COL16A1: variants seen among roughly 807,000 people sequenced by gnomAD.
COL16A1 encodes the protein collagen alpha-1(XVI) chain.
COL16A1 carries 189 observed loss-of-function variants against 266.3 expected under a neutral mutation model. The observed-to-expected ratio is 0.71, with a 90% CI of 0.63 to 0.80. COL16A1 has a LOEUF of 0.80. Ranked by LOEUF, COL16A1 falls within the 30% of genes least tolerant of loss-of-function variation. COL16A1 has a pLI of 0.00. For synonymous variants in COL16A1, 740 were observed against 782.3 expected (o/e 0.95, Z 0.90); for missense variants, 1,928 against 2,122.4 (o/e 0.91, Z 1.80).
chr1:31,698,444 A>T lies in COL16A1; in HGVS notation c.390+39T>A. ...AAGGTGGGCTGGACTGGTGCTACCC[A>T]ATGCCCTAAGAGGCAATCAGGGCAC... On this transcript the variant is annotated intron_variant, in intron 5 of 70. Coordinates refer to ENST00000373672, the MANE Select transcript of COL16A1 (RefSeq NM_001856.4). This position sits in a 1 kb window ranked among gnomAD's most constrained non-coding sequence, Gnocchi z 4.1. The T allele has an allele frequency of 6.2e-7, 1 of 1,612,676 alleles. No homozygotes were observed. The highest frequency in any genetic ancestry group is 8.5e-7 in the Non-Finnish European group (1 of 1,179,154).
chr1:31,686,030 G>C, intron 28 of COL16A1, 61 bp downstream of exon 28: 2 of 1,603,612 alleles, frequency 1.2e-6, no homozygotes, highest in Non-Finnish European at 1.7e-6. Context: ...AGTCGAGCAA[G>C]ACGAGTGTCT....
Position 31,694,124 on chromosome 1 carries a change from C to T in COL16A1, c.1008+20G>A, listed in dbSNP as rs183835655. The T allele has an allele frequency of 8.7e-4, 1,386 of 1,599,738 alleles. 25 individuals are homozygous for T. The Admixed American group carries it at 0.022, about 25-fold the overall frequency. On this transcript the variant is annotated intron_variant, in intron 12 of 70. Coordinates refer to ENST00000373672, the MANE Select transcript of COL16A1 (RefSeq NM_001856.4). ...GATGCTAAAGAGGACGGGAATGTCC[C>T]GTTCTCCATTAGGACTCACCTTGGG...
rs767598428 is a variant in COL16A1, at chr1:31,697,063, C to T, written c.764G>A (p.Arg255His). The T allele has an allele frequency of 6.8e-6, 11 of 1,614,154 alleles. No homozygotes were observed. Among genetic ancestry groups the T allele is most frequent in the Admixed American group, 3.3e-5 (2 of 60,024 alleles). ...GAGCTCATTGCTCTGGGTGTCCCGGCGGGCCTTGGAGGTCTCTGGGGGGCA... is the reference window on the plus strand; with the variant it reads ...GAGCTCATTGCTCTGGGTGTCCCGGTGGGCCTTGGAGGTCTCTGGGGGGCA... ...AGCPPETSKA[R>H]RDTQSNELIE... The change falls in exon 8 of 71, where the codon CGC becomes CAC. Residue 255 changes from arginine (R) to histidine (H), a missense_variant. Arg to His is a conservative substitution (Grantham distance 29). Around this residue, in one of 2 missense-constraint regions of COL16A1, gnomAD observed 1,552 missense variants for 1,637.2 expected, o/e 0.95. Coordinates refer to ENST00000373672, the MANE Select transcript of COL16A1 (RefSeq NM_001856.4). This position sits in a 1 kb window ranked among gnomAD's most constrained non-coding sequence, Gnocchi z 4.2.
chr1:31,692,279 G>A lies in COL16A1; in HGVS notation c.1194+195C>T, dbSNP rs578004948. Among the ~76,000 whole-genome samples, 313 of 152,194 alleles carry A rather than the reference G, an allele frequency of 2.1e-3. 1 individual carries two copies. The highest frequency in any genetic ancestry group is 6.9e-3 in the African/African-American group (285 of 41,502). On this transcript the variant is annotated intron_variant, in intron 16 of 70. Coordinates refer to ENST00000373672, the MANE Select transcript of COL16A1 (RefSeq NM_001856.4). ...CAGGCCACTTACTGGGGGAATCTGT[G>A]GCATTTCCCTCTAGGTCGGCTGGGT... is the stretch of plus-strand genomic sequence containing the variant.
rs376074970 is a variant in COL16A1, at chr1:31,664,546, C to T, written c.3555+626G>A. On this transcript the variant is annotated intron_variant, in intron 56 of 70. Coordinates refer to ENST00000373672, the MANE Select transcript of COL16A1 (RefSeq NM_001856.4). The surrounding 1 kb of genome is among the most constrained non-coding windows in gnomAD (Gnocchi z 5.5). ...CATCTAGGGAGCCCAGAGGTTGGGC[C>T]GAGACAGGGATGTCAGCCCCAAGCC... Among the ~76,000 whole-genome samples, 3 of 152,132 alleles carry T rather than the reference C, an allele frequency of 2.0e-5. No individual in the cohort carries two copies. Among genetic ancestry groups the T allele is most frequent in the Admixed American group, 6.5e-5 (1 of 15,286 alleles).
At chr1:31,675,518 C>G (rs754014487) in intron 42 of COL16A1, among the ~76,000 whole-genome samples, 1 of 152,174 alleles carries the variant, frequency 6.6e-6, no homozygotes, top group Non-Finnish European at 1.5e-5. Context: ...AGCGACCCCC[C>G]AAACCGTCCA....
chr1:31,701,277 T>C, intron 2 of COL16A1: 1 of 979,766 alleles, frequency 1.0e-6, no homozygotes, highest in African/African-American at 1.7e-5. Flanking sequence ...GTTGAAATTA[T>C]CTGCCCCATC....
At chr1:31,689,923 G>T in intron 22 of COL16A1, 72 bp from the exon 23 acceptor site, 2 of 1,329,154 alleles carry the variant, frequency 1.5e-6, no homozygotes, top group Non-Finnish European at 2.2e-6. Context: ...GGCCTCTTGC[G>T]CAGACCAGCC....
chr1:31,692,187 G>A, intron 16 of COL16A1, 120 bp from the exon 17 acceptor site: 1 of 1,480,840 alleles, frequency 6.8e-7, no homozygotes, highest in Non-Finnish European at 9.3e-7. Flanking sequence ...CCCTGAGGGT[G>A]AATGGCTTCA....
intron 2 of COL16A1, among the ~76,000 whole-genome samples, chr1:31,700,425 A>AG (rs1264263641): frequency 1.3e-5 from 2 of 152,374 alleles, no homozygotes; most frequent in African/African-American, 4.8e-5. Flanking sequence ...GTCAGGAGCT[A>AG]GGCCAGCAAG....
In COL16A1 at chr1:31,697,359, C is replaced by G. The variant is rs1644545356; in HGVS notation, c.658-59G>C. On this transcript the variant is annotated intron_variant, in intron 6 of 70. Coordinates refer to ENST00000373672, the MANE Select transcript of COL16A1 (RefSeq NM_001856.4). This position sits in a 1 kb window ranked among gnomAD's most constrained non-coding sequence, Gnocchi z 4.2. ...TTTATCAAATAGCTCTGTGTCCTGGCCCCCCAGGAGGCACAGAGATGTCTC... is the reference window on the plus strand; with the variant it reads ...TTTATCAAATAGCTCTGTGTCCTGGGCCCCCAGGAGGCACAGAGATGTCTC... 12 of 1,479,392 alleles carry G rather than the reference C, an allele frequency of 8.1e-6. No individual in the cohort carries two copies. Among genetic ancestry groups the G allele is most frequent in the Non-Finnish European group, 1.1e-5 (12 of 1,086,944 alleles). The allele number at this position is 1,479,392 out of a possible 1,614,324, so 91.6% of individuals were successfully genotyped here.
rs993045196 is a variant in COL16A1, at chr1:31,668,363, C to G, written c.3250-145G>C. The stretch of plus-strand genomic sequence containing the variant: ...CCCAGCATTGCACACTGGGCCATCT[C>G]CCCAAGCCCCAGGTCCCCTCGGTCG... On this transcript the variant is annotated intron_variant, in intron 50 of 70. Transcript: ENST00000373672. The surrounding 1 kb of genome is among the most constrained non-coding windows in gnomAD (Gnocchi z 5.8). 3 of 856,502 alleles carry G rather than the reference C, an allele frequency of 3.5e-6. No homozygotes were observed. Among genetic ancestry groups the G allele is most frequent in the Non-Finnish European group, 3.7e-6 (2 of 533,844 alleles). The allele number at this position is 856,502 out of a possible 1,614,324, so 53.1% of individuals were successfully genotyped here.
intron 19 of COL16A1, 25 bp downstream of exon 19, chr1:31,691,392 G>A (rs756407806): frequency 1.2e-6 from 2 of 1,600,292 alleles, no homozygotes; most frequent in East Asian, 2.2e-5. Context: ...GAAAAGCACA[G>A]CAGGAGAAGC....
intron 55 of COL16A1, 163 bp from the exon 56 acceptor site, chr1:31,665,397 G>T: frequency 2.1e-6 from 3 of 1,409,118 alleles, no homozygotes; most frequent in Non-Finnish European, 2.9e-6. Flanking sequence ...CTGGGCTGGG[G>T]CCCACACAAG....
intron 30 of COL16A1, 82 bp downstream of exon 30, chr1:31,684,739 G>T: frequency 6.2e-7 from 1 of 1,611,472 alleles, no homozygotes; most frequent in Non-Finnish European, 8.5e-7. Flanking sequence ...AGGGTTGGGG[G>T]CTAGGGAGGG....
rs565459984 is a variant in COL16A1 at position 31,663,732 on chromosome 1, G to A, written c.3556-1074C>T. On this transcript the variant is annotated intron_variant, in intron 56 of 70. Transcript: ENST00000373672. This position sits in a 1 kb window ranked among gnomAD's most constrained non-coding sequence, Gnocchi z 4.9. Reference sequence around the variant, plus strand: ...TGCTTTTATGTGATAAAAAGACTCTGGGACTACAAAATAAAGTCTGAAAAC... The same window carrying A: ...TGCTTTTATGTGATAAAAAGACTCTAGGACTACAAAATAAAGTCTGAAAAC... Among the ~76,000 whole-genome samples the A allele has an allele frequency of 6.6e-6, 1 of 152,292 alleles. No individual in the cohort carries two copies. The highest frequency in any genetic ancestry group is 1.9e-4 in the East Asian group (1 of 5,196).
intron 42 of COL16A1, among the ~76,000 whole-genome samples, chr1:31,678,455 T>C (rs1019136154): frequency 2.6e-5 from 4 of 152,200 alleles, no homozygotes; most frequent in Non-Finnish European, 5.9e-5. Context: ...AGCCCCAGTC[T>C]AGCATTGTCA....
chr1:31,672,494 G>A lies in COL16A1; in HGVS notation c.3027C>T (p.Asn1009=), dbSNP rs1557639472. 6.2e-7 allele frequency: 1 copy of A among 1,614,162 alleles called. No homozygotes were observed. Among genetic ancestry groups the A allele is most frequent in the Non-Finnish European group, 8.5e-7 (1 of 1,180,006 alleles). The change falls in exon 47 of 71, where the codon AAC becomes AAT. Residue 1009 remains asparagine, a synonymous_variant. Coordinates refer to ENST00000373672, the MANE Select transcript of COL16A1 (RefSeq NM_001856.4). ...CAACACAGCCAGGATCTCCCTCACT[G>A]TTGTCACCCTGGAGAAGGATGGAGA... ...RPRAEEARGD[N]SEGDPGCVGS... is the part of the protein sequence containing the mutation.
rs991742674 is a variant in COL16A1 at position 31,653,905 on chromosome 1, A to G, written c.4496T>C (p.Ile1499Thr). ...APGSPGLPGQ[I>T]GREGRQGLPG... ...CAAGCCCTGCCGTCCTTCTCTGCCA[A>G]TCTGACCAGGGAGCCCAGGTGACCC... The change falls in exon 69 of 71, where the codon ATT becomes ACT. Residue 1499 changes from isoleucine to threonine, a missense_variant. Physicochemically the swap from Ile to Thr is moderately conservative, Grantham distance 89. Coordinates refer to ENST00000373672, the MANE Select transcript of COL16A1 (RefSeq NM_001856.4). 8 of 1,613,714 alleles carry G rather than the reference A, an allele frequency of 5.0e-6. No homozygotes were observed. The highest frequency in any genetic ancestry group is 1.1e-5 in the South Asian group (1 of 91,070).
Sources: allele counts gnomAD v4.1 joint callset (sites outside exome capture counted in the v4.1 genomes callset), GRCh38; gene constraint gnomAD v4.1.1; regional missense constraint gnomAD v4.1.1; non-coding constraint Gnocchi (gnomAD v3.1); transcripts MANE v1.5; gene names NCBI Gene and HGNC (gene_info 2026-07-23, HGNC 2026-07-21).